The following SLC35A1 variants were observed in gnomAD, a reference collection of about 807,000 sequenced individuals.
SLC35A1 encodes solute carrier family 35 member A1.
In SLC35A1, 21 loss-of-function variants were observed where a neutral mutation model predicts 40.3. The ratio of observed to expected loss-of-function variants is 0.52; its 90% CI spans 0.37 to 0.75. The LOEUF is 0.75. Ranked by LOEUF, SLC35A1 falls within the 30% of genes least tolerant of loss-of-function variation. The pLI is 0.00. For synonymous variants in SLC35A1, 146 were observed against 147.3 expected, an observed-to-expected ratio of 0.99 and a Z score of 0.06; for missense variants, 297 against 382.1, an observed-to-expected ratio of 0.78 and a Z score of 1.86.
intron 2 of SLC35A1, among the ~76,000 whole-genome samples, chr6:87,488,276 G>T (rs146183119): frequency 7.2e-5 from 11 of 152,100 alleles, no homozygotes; most frequent in African/African-American, 2.7e-4. Context: ...AACAATGATC[G>T]TGTAAAAACA....
intron 4 of SLC35A1, among the ~76,000 whole-genome samples, chr6:87,503,350 G>A (rs1036925532): frequency 6.6e-6 from 1 of 152,128 alleles, no homozygotes; most frequent in Non-Finnish European, 1.5e-5. Context: ...CTGGCAAGTT[G>A]GTATTGGTTG....
At chr6:87,494,924 AAAGG>A (rs977256147) in intron 2 of SLC35A1, among the ~76,000 whole-genome samples, 4 of 152,246 alleles carry the variant, frequency 2.6e-5, no homozygotes, top group Admixed American at 1.3e-4. Flanking sequence ...AGTATAAAGA[AAAGG>A]AAGTGAAAAC....
chr6:87,511,501 C>T lies in SLC35A1; in HGVS notation c.989C>T (p.Ser330Leu), dbSNP rs139775169. 2 of 1,613,980 alleles carry T rather than the reference C, an allele frequency of 1.2e-6. No homozygotes were observed. The highest frequency in any genetic ancestry group is 1.7e-6 in the Non-Finnish European group (2 of 1,179,972). ...TTSIQQGETASKERVIGV is the reference protein window; with the variant it reads ...TTSIQQGETALKERVIGV ...TCCATCCAACAAGGAGAAACAGCTT[C>T]AAAGGAGAGAGTTATTGGTGTGTGA... Residue 330 changes from serine (S) to leucine (L), a missense_variant, in exon 8 of 8, where the codon TCA becomes TTA. Coordinates refer to ENST00000369552, the MANE Select transcript of SLC35A1 (RefSeq NM_006416.5).
chr6:87,482,599 G>A (rs550659815), intron 2 of SLC35A1, among the ~76,000 whole-genome samples: 33 of 152,114 alleles, frequency 2.2e-4, no homozygotes, highest in Non-Finnish European at 3.5e-4. Context: ...CTGAATACCC[G>A]TTGTGGCTTT....
At chr6:87,487,038 G>A (rs543275000) in intron 2 of SLC35A1, among the ~76,000 whole-genome samples, 9 of 152,120 alleles carry the variant, frequency 5.9e-5, no homozygotes, top group African/African-American at 1.7e-4. Flanking sequence ...TTAGCTGGGC[G>A]TGGTGGCACA....
intron 2 of SLC35A1, among the ~76,000 whole-genome samples, chr6:87,497,091 CTG>C (rs1468675640): frequency 3.3e-5 from 5 of 152,048 alleles, no homozygotes; most frequent in Admixed American, 6.6e-5. Context: ...TTAAAACTTT[CTG>C]TGTGGTGAGA....
intron 2 of SLC35A1, among the ~76,000 whole-genome samples, chr6:87,484,296 C>G (rs1769331632): frequency 6.6e-6 from 1 of 152,260 alleles, no homozygotes; most frequent in South Asian, 2.1e-4. Context: ...GGAATGTAAT[C>G]CCAGATGAGC....
intron 5 of SLC35A1, among the ~76,000 whole-genome samples, chr6:87,507,905 T>C (rs1770137472): frequency 6.7e-6 from 1 of 148,822 alleles, no homozygotes. Flanking sequence ...GAACCCTGCT[T>C]TAAAGGAAAA....
chr6:87,481,228 C>CTAAA (rs1769233984), intron 2 of SLC35A1, among the ~76,000 whole-genome samples: 2 of 152,014 alleles, frequency 1.3e-5, no homozygotes. Flanking sequence ...ACCAGCCTGG[C>CTAAA]CAACATGGAG....
chr6:87,483,333 A>T (rs1207939989), intron 2 of SLC35A1, among the ~76,000 whole-genome samples: 1 of 151,554 alleles, frequency 6.6e-6, no homozygotes, highest in Non-Finnish European at 1.5e-5. Flanking sequence ...GGGAGCGACC[A>T]GTGGGAGTGG....
At chr6:87,507,675 A>C (rs1225478397) in intron 5 of SLC35A1, among the ~76,000 whole-genome samples, 1 of 152,132 alleles carries the variant, frequency 6.6e-6, no homozygotes. Context: ...CATGATATTT[A>C]TAACTAAAAT....
intron 4 of SLC35A1, among the ~76,000 whole-genome samples, chr6:87,503,952 A>G (rs931556351): frequency 9.8e-5 from 15 of 152,310 alleles, no homozygotes; most frequent in African/African-American, 2.6e-4. Flanking sequence ...AACAGCTGCA[A>G]TCATTTATAA....
intron 2 of SLC35A1, among the ~76,000 whole-genome samples, chr6:87,483,199 GTCTCTT>G (rs1247579466): frequency 6.6e-6 from 1 of 151,300 alleles, no homozygotes; most frequent in East Asian, 1.9e-4. Context: ...CTGACTCTCT[GTCTCTT>G]TCTCTTTCTC....
chr6:87,510,006 A>G (rs1278228909), intron 7 of SLC35A1, among the ~76,000 whole-genome samples: 1 of 152,252 alleles, frequency 6.6e-6, no homozygotes, highest in Non-Finnish European at 1.5e-5. Flanking sequence ...AAATGGAAAT[A>G]GTGTTGTAGA....
intron 7 of SLC35A1, among the ~76,000 whole-genome samples, chr6:87,511,097 A>G (rs1201739592): frequency 6.6e-6 from 1 of 152,058 alleles, no homozygotes. Flanking sequence ...AAAAAATTAT[A>G]TATTTTATAG....
chr6:87,503,392 CCATTTTTCTGTATGAG>C (rs1402740728), intron 4 of SLC35A1, among the ~76,000 whole-genome samples: 2 of 152,152 alleles, frequency 1.3e-5, no homozygotes, highest in Non-Finnish European at 2.9e-5. Flanking sequence ...CAATTAACTA[CCATTTTTCTGTATGAG>C]CATTCACACA....
chr6:87,477,507 A>G lies in SLC35A1; in HGVS notation c.162A>G (p.Ile54Met), dbSNP rs781769549. The change falls in exon 2 of 8, where the codon ATA becomes ATG. Residue 54 changes from isoleucine to methionine, a missense_variant. Ile to Met is a conservative substitution (Grantham distance 10). Coordinates refer to ENST00000369552, the MANE Select transcript of SLC35A1 (RefSeq NM_006416.5). Reference sequence around the variant, plus strand: ...CAGCCGTGTGTATCACAGAAGTTATAAAGTTATTGCTAAGTGTGGGAATTT... The same window carrying G: ...CAGCCGTGTGTATCACAGAAGTTATGAAGTTATTGCTAAGTGTGGGAATTT... ...STTAVCITEVIKLLLSVGILA... is the reference protein window; with the variant it reads ...STTAVCITEVMKLLLSVGILA... 38 of 1,614,070 alleles carry G rather than the reference A, an allele frequency of 2.4e-5. No individual in the cohort carries two copies. In the South Asian group the frequency reaches 4.1e-4, roughly 17 times the overall value.
chr6:87,484,606 A>G (rs187356420), intron 2 of SLC35A1, among the ~76,000 whole-genome samples: 57 of 152,314 alleles, frequency 3.7e-4, no homozygotes, highest in Middle Eastern at 3.4e-3. Context: ...AAAAATGGTT[A>G]TGGCAGAGTA....
At position 87,512,136 on chromosome 6, in the gene SLC35A1, T is replaced by C. The variant is rs1387733555; in HGVS notation, c.*610T>C. On this transcript the variant is annotated 3_prime_UTR_variant, in exon 8 of 8. Transcript: ENST00000369552. ...CCTTTAGTGAGTACCCCTTTAGTGC[T>C]ATATTTGTGCCATTCATTATCTGGT... is the stretch of plus-strand genomic sequence containing the variant. 6.5e-6 allele frequency: 1 copy of C among 154,430 alleles called. No individual in the cohort carries two copies. Among genetic ancestry groups the C allele is most frequent in the Non-Finnish European group, 1.4e-5 (1 of 69,176 alleles). 9.6% of individuals were successfully genotyped at this position (154,430 alleles called of 1,614,324 possible). A position where few individuals can be genotyped will look rare whatever the true frequency, so the allele number is the denominator to read the frequency against.
Sources: allele counts gnomAD v4.1 joint callset (sites outside exome capture counted in the v4.1 genomes callset), GRCh38; gene constraint gnomAD v4.1.1; transcripts MANE v1.5; gene names NCBI Gene and HGNC (gene_info 2026-07-23, HGNC 2026-07-21).